Variants in STK39 observed in about 807,000 individuals in gnomAD.
STK39 encodes the protein serine/threonine kinase 39, also known as STE20/SPS1-related proline-alanine-rich protein kinase.
STK39 carries 20 observed loss-of-function variants against 77.8 expected under a neutral mutation model. That is an observed-to-expected ratio of 0.26 (90% CI 0.18 to 0.37). The LOEUF (loss-of-function observed/expected upper bound fraction) is 0.37, where lower values mean the gene tolerates loss of function less well. STK39 is among the 10% of genes least tolerant of loss of function. The probability of loss-of-function intolerance (pLI) is 1.00; values close to 1 mark genes in which losing one functional copy is unlikely to be tolerated. For synonymous variants in STK39, 246 were observed against 234.1 expected, an observed-to-expected ratio of 1.05 and a Z score of -0.47; for missense variants, 479 against 656.5, an observed-to-expected ratio of 0.73 and a Z score of 2.95.
rs756728452 is a variant in STK39, at chr2:168,247,458, G to A, written c.-23C>T. 31 of 1,308,730 alleles carry A rather than the reference G, an allele frequency of 2.4e-5. No homozygotes were observed. Among genetic ancestry groups the A allele is most frequent in the Non-Finnish European group, 2.9e-5 (29 of 1,015,114 alleles). The allele number at this position is 1,308,730 out of a possible 1,614,324, so 81.1% of individuals were successfully genotyped here. A position where few individuals can be genotyped will look rare whatever the true frequency, so the allele number is the denominator to read the frequency against. ...CATGATGCTGCGGAGGAGAGCAGGAGGACGCGCCGGCCGACGGACGACCTT... is the reference window on the plus strand; with the variant it reads ...CATGATGCTGCGGAGGAGAGCAGGAAGACGCGCCGGCCGACGGACGACCTT... On this transcript the variant is annotated 5_prime_UTR_variant, in exon 1 of 18. Transcript: ENST00000355999.
At chr2:168,154,659 TAAC>T (rs1425437181) in intron 5 of STK39, among the ~76,000 whole-genome samples, 1 of 151,994 alleles carries the variant, frequency 6.6e-6, no homozygotes, top group Non-Finnish European at 1.5e-5. Flanking sequence ...CCTTCACACT[TAAC>T]ACATTTTTTA....
intron 16 of STK39, among the ~76,000 whole-genome samples, chr2:168,007,996 CA>C (rs1280386218): frequency 6.6e-6 from 1 of 152,164 alleles, no homozygotes; most frequent in East Asian, 1.9e-4. Context: ...AATTCCAGAA[CA>C]TTTTCATCAC....
At chr2:168,189,027 C>T (rs760350048) in intron 1 of STK39, among the ~76,000 whole-genome samples, 4 of 152,000 alleles carry the variant, frequency 2.6e-5, no homozygotes, top group Admixed American at 2.6e-4. Flanking sequence ...CTTCTGCCTC[C>T]GTCAAAAGAA....
At chr2:168,171,634 A>G (rs1054057350) in intron 2 of STK39, among the ~76,000 whole-genome samples, 3 of 151,866 alleles carry the variant, frequency 2.0e-5, no homozygotes, top group Non-Finnish European at 4.4e-5. Flanking sequence ...GGATGAGCAC[A>G]TGCTATCACA....
intron 16 of STK39, among the ~76,000 whole-genome samples, chr2:167,997,925 A>G (rs1325331229): frequency 6.6e-6 from 1 of 152,210 alleles, no homozygotes; most frequent in African/African-American, 2.4e-5. Context: ...AACCATAACC[A>G]ACCAATCTGA....
chr2:168,201,988 G>T (rs1370862811), intron 1 of STK39, among the ~76,000 whole-genome samples: 1 of 152,198 alleles, frequency 6.6e-6, no homozygotes, highest in African/African-American at 2.4e-5. Flanking sequence ...CTCTGTCAGT[G>T]AGCCCAGAGA....
chr2:168,104,745 A>G (rs1408686487), intron 10 of STK39, among the ~76,000 whole-genome samples: 1 of 152,212 alleles, frequency 6.6e-6, no homozygotes, highest in African/African-American at 2.4e-5. Flanking sequence ...CTGGAAGACA[A>G]TTTGCCAGTA....
chr2:168,125,034 G>A (rs1559109092), intron 10 of STK39, among the ~76,000 whole-genome samples: 1 of 152,022 alleles, frequency 6.6e-6, no homozygotes, highest in South Asian at 2.1e-4. Context: ...ATGATGGGTT[G>A]ATGGGTGCAG....
chr2:168,045,501 TTC>T (rs1685216945), intron 14 of STK39, among the ~76,000 whole-genome samples: 2 of 152,256 alleles, frequency 1.3e-5, no homozygotes, highest in Admixed American at 6.5e-5. Flanking sequence ...ATTCAATATT[TTC>T]TCTGTTTATA....
chr2:168,129,962 C>T (rs2105507771), intron 8 of STK39, among the ~76,000 whole-genome samples: 1 of 152,292 alleles, frequency 6.6e-6, no homozygotes, highest in Non-Finnish European at 1.5e-5. Flanking sequence ...CTGCAAAACA[C>T]ATAAACTCCT....
At chr2:168,004,597 G>A (rs1470765217) in intron 16 of STK39, among the ~76,000 whole-genome samples, 1 of 151,874 alleles carries the variant, frequency 6.6e-6, no homozygotes, top group South Asian at 2.1e-4. Context: ...GCCTGACATG[G>A]TGGTGGGTGC....
chr2:168,053,430 G>A (rs1685446656), intron 14 of STK39, among the ~76,000 whole-genome samples: 1 of 151,780 alleles, frequency 6.6e-6, no homozygotes, highest in Admixed American at 6.6e-5. Context: ...AAAAAGTCTG[G>A]AAAAATATTT....
intron 5 of STK39, among the ~76,000 whole-genome samples, chr2:168,148,512 C>T (rs1398607586): frequency 6.6e-6 from 1 of 152,198 alleles, no homozygotes; most frequent in East Asian, 1.9e-4. Flanking sequence ...CAGCAGAACA[C>T]AGCATAGCTC....
At position 168,161,860 on chromosome 2, in the gene STK39, A is replaced by G; in HGVS notation, c.573-18T>C. Reference sequence around the variant, plus strand: ...TCAAATCCCTATTAGAAAAAAAAATAGAAAATAAATTGTAGGGTACAGACT... The same window carrying G: ...TCAAATCCCTATTAGAAAAAAAAATGGAAAATAAATTGTAGGGTACAGACT... On this transcript the variant is annotated intron_variant, in intron 4 of 17. Coordinates refer to ENST00000355999, the MANE Select transcript of STK39 (RefSeq NM_013233.3). 6.3e-7 allele frequency: 1 copy of G among 1,595,368 alleles called. No homozygotes were observed. The highest frequency in any genetic ancestry group is 8.6e-7 in the Non-Finnish European group (1 of 1,165,486).
intron 14 of STK39, among the ~76,000 whole-genome samples, chr2:168,022,387 T>A (rs531264516): frequency 6.6e-6 from 1 of 152,322 alleles, no homozygotes; most frequent in East Asian, 1.9e-4. Flanking sequence ...TAAGCACTAT[T>A]GCAGGAACTT....
chr2:168,026,609 A>G (rs1379940303), intron 14 of STK39, among the ~76,000 whole-genome samples: 1 of 152,198 alleles, frequency 6.6e-6, no homozygotes, highest in African/African-American at 2.4e-5. Context: ...TCTTTATTCT[A>G]GACTGATGGC....
At chr2:167,989,611 C>T (rs1260950385) in intron 16 of STK39, among the ~76,000 whole-genome samples, 3 of 152,144 alleles carry the variant, frequency 2.0e-5, no homozygotes, top group Non-Finnish European at 2.9e-5. Context: ...ATGACTTCAA[C>T]TCTAAATGCA....
At chr2:168,210,800 G>A (rs1300872541) in intron 1 of STK39, among the ~76,000 whole-genome samples, 3 of 152,128 alleles carry the variant, frequency 2.0e-5, no homozygotes, top group South Asian at 2.1e-4. Flanking sequence ...AATTACAGAC[G>A]TGAGCCACTG....
intron 10 of STK39, among the ~76,000 whole-genome samples, chr2:168,116,116 C>T (rs1227871554): frequency 6.6e-6 from 1 of 152,168 alleles, no homozygotes; most frequent in Non-Finnish European, 1.5e-5. Flanking sequence ...ATGGTCCCAG[C>T]TTCCTGACCA....
Sources: gnomAD v4.1 joint callset for allele counts (sites outside exome capture counted in the v4.1 genomes callset) on GRCh38, gnomAD v4.1.1 for gene constraint, MANE v1.5 for transcripts, NCBI Gene and HGNC (gene_info 2026-07-23, HGNC 2026-07-21) for gene names.